The following KCTD8 variants were observed in gnomAD, a reference collection of about 807,000 sequenced individuals.
KCTD8 encodes the protein potassium channel tetramerization domain containing 8.
In KCTD8, 27 loss-of-function variants were observed where a neutral mutation model predicts 31.5. The observed-to-expected ratio is 0.86, with a 90% CI of 0.63 to 1.18. KCTD8 has a LOEUF of 1.18. KCTD8 is among the 50% of genes most tolerant of loss of function. The pLI, the probability that KCTD8 is intolerant of heterozygous loss-of-function variation, is 0.00. For missense variants in KCTD8, 658 were observed against 647.7 expected (o/e 1.02, Z -0.17); for synonymous variants, 290 against 280.0 (o/e 1.04, Z -0.36).
At chr4:44,405,817 CA>C (rs903559298) in intron 1 of KCTD8, among the ~76,000 whole-genome samples, 1,057 of 32,242 alleles carry the variant, frequency 0.033, 3 homozygotes, top group African/African-American at 0.092. Flanking sequence ...TCCTGTTTCT[CA>C]AAAAAAAAAA....
intron 1 of KCTD8, 49 bp downstream of exon 1, chr4:44,447,514 C>T: frequency 6.8e-7 from 1 of 1,470,538 alleles, no homozygotes; most frequent in East Asian, 2.5e-5. Context: ...CTGGCGGCGG[C>T]TCAGCAGGGG....
chr4:44,339,192 T>TTCTTCAA (rs1275863820), intron 1 of KCTD8, among the ~76,000 whole-genome samples: 30 of 152,278 alleles, frequency 2.0e-4, no homozygotes, highest in Non-Finnish European at 4.3e-4. Context: ...AATACAATCT[T>TTCTTCAA]TGGAGTCAAA....
chr4:44,265,331 T>A (rs866038975), intron 1 of KCTD8, among the ~76,000 whole-genome samples: 120 of 152,242 alleles, frequency 7.9e-4, no homozygotes, highest in African/African-American at 2.7e-3. Context: ...CAGCTGAGGG[T>A]ACTGTATGTT....
At chr4:44,309,099 G>A (rs13117418) in intron 1 of KCTD8, among the ~76,000 whole-genome samples, 11,445 of 152,176 alleles carry the variant, frequency 0.075, 581 homozygotes, top group Non-Finnish European at 0.11. Flanking sequence ...GCAATGGCAT[G>A]CTCTTGGCTC....
intron 1 of KCTD8, among the ~76,000 whole-genome samples, chr4:44,266,330 G>T: frequency 6.6e-6 from 1 of 151,896 alleles, no homozygotes; most frequent in East Asian, 1.9e-4. Flanking sequence ...ATACTTTACA[G>T]ACAAGCAAAT....
rs919644551 is a variant in KCTD8, at chr4:44,174,667, T to A, written c.*123A>T. 1.4e-6 allele frequency: 1 copy of A among 705,284 alleles called. No individual in the cohort carries two copies. Among genetic ancestry groups the A allele is most frequent in the African/African-American group, 1.8e-5 (1 of 56,074 alleles). 43.7% of individuals were successfully genotyped at this position (705,284 alleles called of 1,614,324 possible). A position where few individuals can be genotyped will look rare whatever the true frequency, so the allele number is the denominator to read the frequency against. On this transcript the variant is annotated 3_prime_UTR_variant, in exon 2 of 2. Transcript: ENST00000360029. ...ACATAAAAGAAAATACTGTCCCACATCCACTGTTCACAACAAGGAAGAGCA... is the reference window on the plus strand; with the variant it reads ...ACATAAAAGAAAATACTGTCCCACAACCACTGTTCACAACAAGGAAGAGCA...
intron 1 of KCTD8, among the ~76,000 whole-genome samples, chr4:44,428,406 C>G (rs1303898595): frequency 6.6e-6 from 1 of 151,580 alleles, no homozygotes; most frequent in African/African-American, 2.4e-5. Context: ...AAGTCAGGAG[C>G]CTAATTTTGC....
At position 44,182,165 on chromosome 4, in the gene KCTD8, A is replaced by G. The variant is rs531251382; in HGVS notation, c.962-6915T>C. Among the ~76,000 whole-genome samples, 89 of 149,252 alleles carry G rather than the reference A, an allele frequency of 6.0e-4. No homozygotes were observed. The South Asian group carries it at 0.019, about 32-fold the overall frequency. On this transcript the variant is annotated intron_variant, in intron 1 of 1. Transcript: ENST00000360029. ...CGGCCAGCCGCCCCGTCCGAGAGGG[A>G]GGTGGGGGGGCGCCTCCGCCTGGCC...
intron 1 of KCTD8, among the ~76,000 whole-genome samples, chr4:44,443,096 T>C (rs1053019288): frequency 2.6e-5 from 4 of 152,256 alleles, no homozygotes; most frequent in Admixed American, 1.3e-4. Context: ...TGGAACTAGC[T>C]ACATTAAATC....
Position 44,448,419 on chromosome 4 carries a change from C to A in KCTD8, c.105G>T (p.Gly35=), listed in dbSNP as rs780476745. Residue 35 remains glycine, a synonymous_variant, in exon 1 of 2, where the codon GGG becomes GGT. Transcript: ENST00000360029. The surrounding 1 kb of genome is among the most constrained non-coding windows in gnomAD (Gnocchi z 4.1). ...SPGASAAAAP[G]PCAPSPFPEV... is the part of the protein sequence containing the mutation. ...CAGGGAAGGGCGAGGGTGCGCAGGG[C>A]CCCGGGGCGGCGGCGGCCGACGCGC... 2.8e-5 allele frequency: 44 copies of A among 1,564,226 alleles called. 1 individual carries two copies. In the Admixed American group the frequency reaches 6.5e-4, roughly 23 times the overall value.
chr4:44,232,664 A>G (rs1015859203), intron 1 of KCTD8, among the ~76,000 whole-genome samples: 12 of 152,218 alleles, frequency 7.9e-5, no homozygotes, highest in Admixed American at 5.2e-4. Flanking sequence ...CAAAATAAAT[A>G]GATTGAGCTA....
intron 1 of KCTD8, among the ~76,000 whole-genome samples, chr4:44,312,093 T>C (rs549518024): frequency 5.3e-5 from 8 of 152,104 alleles, no homozygotes; most frequent in Non-Finnish European, 8.8e-5. Flanking sequence ...AATTCACATG[T>C]ATGGGGAAAG....
intron 1 of KCTD8, among the ~76,000 whole-genome samples, chr4:44,235,578 T>TATAGAG (rs1553895183): frequency 4.7e-5 from 3 of 64,100 alleles, no homozygotes; most frequent in Non-Finnish European, 6.6e-5. Flanking sequence ...TATATATATT[T>TATAGAG]AGAGAGAGAG....
chr4:44,208,794 A>AT (rs1714393886), intron 1 of KCTD8, among the ~76,000 whole-genome samples: 1 of 152,146 alleles, frequency 6.6e-6, no homozygotes, highest in African/African-American at 2.4e-5. Context: ...GCATCATTAC[A>AT]TTAGTAGTTA....
At chr4:44,383,006 C>T (rs1269450478) in intron 1 of KCTD8, among the ~76,000 whole-genome samples, 1 of 127,234 alleles carries the variant, frequency 7.9e-6, no homozygotes, top group Admixed American at 8.8e-5. Context: ...TTTCTATACA[C>T]CAACAACAAA....
chr4:44,256,792 A>C (rs1179197104), intron 1 of KCTD8, among the ~76,000 whole-genome samples: 1 of 151,914 alleles, frequency 6.6e-6, no homozygotes, highest in East Asian at 1.9e-4. Context: ...GGAAGCTGGA[A>C]AAGGCAAGAA....
chr4:44,259,195 A>T (rs1198138659), intron 1 of KCTD8, among the ~76,000 whole-genome samples: 1 of 151,570 alleles, frequency 6.6e-6, no homozygotes, highest in Non-Finnish European at 1.5e-5. Flanking sequence ...GTCTGTTTTG[A>T]TCATTGTTTG....
chr4:44,294,409 A>T (rs1245700090), intron 1 of KCTD8, among the ~76,000 whole-genome samples: 1 of 152,216 alleles, frequency 6.6e-6, no homozygotes, highest in Non-Finnish European at 1.5e-5. Context: ...AGATTTTCTC[A>T]TTGTAATGGA....
chr4:44,204,422 T>C (rs1276871821), intron 1 of KCTD8, among the ~76,000 whole-genome samples: 1 of 152,152 alleles, frequency 6.6e-6, no homozygotes, highest in East Asian at 1.9e-4. Context: ...ATTACAGACA[T>C]TGTATAGAAA....
Sources: allele counts gnomAD v4.1 joint callset (sites outside exome capture counted in the v4.1 genomes callset), GRCh38; gene constraint gnomAD v4.1.1; non-coding constraint Gnocchi (gnomAD v3.1); transcripts MANE v1.5; gene names NCBI Gene and HGNC (gene_info 2026-07-23, HGNC 2026-07-21).